The following SLC25A26 variants were observed in gnomAD, a reference collection of about 807,000 sequenced individuals.
The protein encoded by SLC25A26 is solute carrier family 25 member 26, also known as mitochondrial S-adenosylmethionine carrier protein.
SLC25A26 carries 36 observed loss-of-function variants against 37.8 expected under a neutral mutation model. That is an observed-to-expected ratio of 0.95 (90% CI 0.73 to 1.26). The LOEUF (loss-of-function observed/expected upper bound fraction) is 1.26. SLC25A26 is among the 50% of genes most tolerant of loss of function. SLC25A26 has a pLI of 0.00. For synonymous variants in SLC25A26, 129 were observed against 122.5 expected, an observed-to-expected ratio of 1.05 and a Z score of -0.35; for missense variants, 390 against 331.1, an observed-to-expected ratio of 1.18 and a Z score of -1.38.
At chr3:66,356,840 G>T (rs562504678) in intron 6 of SLC25A26, among the ~76,000 whole-genome samples, 7 of 152,114 alleles carry the variant, frequency 4.6e-5, no homozygotes, top group African/African-American at 1.7e-4. Context: ...TGTTGCTCAG[G>T]CTGGTCTCAA....
At chr3:66,273,455 C>T (rs1334729510) in intron 5 of SLC25A26, among the ~76,000 whole-genome samples, 1 of 151,924 alleles carries the variant, frequency 6.6e-6, no homozygotes, top group Non-Finnish European at 1.5e-5. Context: ...ATTATTGCCA[C>T]AATTTCAGAT....
chr3:66,343,738 AC>A (rs2076259144), intron 5 of SLC25A26, among the ~76,000 whole-genome samples: 1 of 152,194 alleles, frequency 6.6e-6, no homozygotes, highest in Non-Finnish European at 1.5e-5. Flanking sequence ...TGAAATATTT[AC>A]CTTCTTACTA....
chr3:66,175,134 TATATATACACACACAC>T (rs1413138824), intron 1 of SLC25A26, among the ~76,000 whole-genome samples: 10 of 72,670 alleles, frequency 1.4e-4, no homozygotes, highest in African/African-American at 4.5e-4. Context: ...TATATATATA[TATATATACACACACAC>T]ACACACACAC....
intron 5 of SLC25A26, among the ~76,000 whole-genome samples, chr3:66,315,017 A>T (rs935069719): frequency 1.4e-5 from 2 of 145,068 alleles, no homozygotes; most frequent in Admixed American, 6.9e-5. Flanking sequence ...TTTCTTCTTT[A>T]TTAGTCTAGT....
intron 1 of SLC25A26, among the ~76,000 whole-genome samples, chr3:66,140,802 C>G (rs868252155): frequency 1.3e-5 from 2 of 152,132 alleles, no homozygotes; most frequent in Non-Finnish European, 2.9e-5. Context: ...AAACAAAATG[C>G]ATGCCAGCCC....
intron 1 of SLC25A26, among the ~76,000 whole-genome samples, chr3:66,169,549 T>G (rs1414797307): frequency 6.6e-6 from 1 of 152,216 alleles, no homozygotes; most frequent in Non-Finnish European, 1.5e-5. Context: ...CCCTGTTTTA[T>G]TTCGTATGTT....
chr3:66,359,628 A>G (rs2076652889), intron 6 of SLC25A26, among the ~76,000 whole-genome samples: 1 of 152,216 alleles, frequency 6.6e-6, no homozygotes, highest in South Asian at 2.1e-4. Context: ...TGGTGTTAAA[A>G]CTGGCATTAG....
At chr3:66,228,886 G>A (rs1435340582) in intron 1 of SLC25A26, among the ~76,000 whole-genome samples, 1 of 152,224 alleles carries the variant, frequency 6.6e-6, no homozygotes, top group Non-Finnish European at 1.5e-5. Context: ...TGCATCACAT[G>A]ATTTGGTTTC....
At chr3:66,175,101 GTGTGTGTGTATATATA>G (rs1306161853) in intron 1 of SLC25A26, among the ~76,000 whole-genome samples, 5 of 82,800 alleles carry the variant, frequency 6.0e-5, no homozygotes, top group African/African-American at 2.5e-4. Flanking sequence ...ATATGTATAT[GTGTGTGTGTATATATA>G]TATATATATA....
intron 6 of SLC25A26, among the ~76,000 whole-genome samples, chr3:66,352,448 T>C (rs1479665730): frequency 6.6e-6 from 1 of 151,464 alleles, no homozygotes; most frequent in Non-Finnish European, 1.5e-5. Flanking sequence ...TTTTGTTTTT[T>C]TTTTTGAGAT....
chr3:66,170,126 C>T (rs1444422497), intron 1 of SLC25A26, among the ~76,000 whole-genome samples: 1 of 152,154 alleles, frequency 6.6e-6, no homozygotes, highest in Non-Finnish European at 1.5e-5. Flanking sequence ...CTTGTATTGC[C>T]TTTGTGGTTT....
At chr3:66,195,562 C>T (rs1309855928) in intron 1 of SLC25A26, among the ~76,000 whole-genome samples, 1 of 152,234 alleles carries the variant, frequency 6.6e-6, no homozygotes, top group Non-Finnish European at 1.5e-5. Context: ...AGCAAGTGCG[C>T]TTGCGCCGGG....
intron 5 of SLC25A26, among the ~76,000 whole-genome samples, chr3:66,298,474 G>A (rs2074974604): frequency 1.3e-5 from 2 of 151,948 alleles, no homozygotes; most frequent in South Asian, 4.2e-4. Flanking sequence ...TTTTTTGGTG[G>A]GAGATCACTT....
chr3:66,370,675 A>C, intron 9 of SLC25A26, 73 bp downstream of exon 9: 1 of 1,167,690 alleles, frequency 8.6e-7, no homozygotes, highest in Non-Finnish European at 1.3e-6. Context: ...CTTTGGATGA[A>C]CACCTCTCCT....
chr3:66,211,301 G>C (rs2071281238), intron 1 of SLC25A26, among the ~76,000 whole-genome samples: 2 of 152,270 alleles, frequency 1.3e-5, no homozygotes, highest in African/African-American at 4.8e-5. Context: ...GAGGCCTGCT[G>C]TTTGTTTGAC....
chr3:66,319,432 G>T (rs1035964316), intron 5 of SLC25A26, among the ~76,000 whole-genome samples: 2 of 152,022 alleles, frequency 1.3e-5, no homozygotes, highest in Non-Finnish European at 2.9e-5. Context: ...AACTTCGCGC[G>T]CTTTTATTAG....
chr3:66,340,191 T>C (rs2076177823), intron 5 of SLC25A26, among the ~76,000 whole-genome samples: 1 of 152,084 alleles, frequency 6.6e-6, no homozygotes, highest in Non-Finnish European at 1.5e-5. Context: ...CTGGGCTGTT[T>C]TATTTCACTG....
intron 5 of SLC25A26, among the ~76,000 whole-genome samples, chr3:66,285,645 A>C (rs987970003): frequency 1.3e-5 from 2 of 151,236 alleles, no homozygotes; most frequent in African/African-American, 2.4e-5. Flanking sequence ...TTTTTAAATG[A>C]GATGGGGTTT....
At position 66,134,833 on chromosome 3, in the gene SLC25A26, T is replaced by A. The variant is rs548652689; in HGVS notation, c.-354+849T>A. On this transcript the variant is annotated intron_variant, in intron 1 of 10. Transcript: ENST00000676754. The stretch of plus-strand genomic sequence containing the variant: ...AATATTTCTTTTCTTTCCTTTATTT[T>A]TTTTTTTATTTTTTGAGACGGAGTT... Among the ~76,000 whole-genome samples the A allele has an allele frequency of 4.8e-3, 730 of 151,988 alleles. 8 individuals are homozygous for A. The highest frequency in any genetic ancestry group is 0.017 in the African/African-American group (691 of 41,420).
Sources: allele counts gnomAD v4.1 joint callset (sites outside exome capture counted in the v4.1 genomes callset), GRCh38; gene constraint gnomAD v4.1.1; transcripts MANE v1.5; gene names NCBI Gene and HGNC (gene_info 2026-07-23, HGNC 2026-07-21).